LAMA2: variants seen among roughly 807,000 people sequenced by gnomAD.
LAMA2 encodes the protein laminin subunit alpha-2.
LAMA2 carries 269 observed loss-of-function variants against 364.8 expected under a neutral mutation model. The observed-to-expected ratio is 0.74, with a 90% CI of 0.67 to 0.82. LAMA2 has a LOEUF of 0.82. Ranked by LOEUF, LAMA2 falls within the 40% of genes least tolerant of loss-of-function variation. LAMA2 has a pLI of 0.00. For synonymous variants in LAMA2, 1,379 were observed against 1,370.6 expected, an observed-to-expected ratio of 1.01 and a Z score of -0.14; for missense variants, 3,807 against 3,873.2, an observed-to-expected ratio of 0.98 and a Z score of 0.45.
At chr6:129,204,120 T>C (rs998224422) in intron 12 of LAMA2, among the ~76,000 whole-genome samples, 11 of 152,222 alleles carry the variant, frequency 7.2e-5, no homozygotes, top group Non-Finnish European at 1.3e-4. Context: ...AGAGTTAATT[T>C]TAGCAAGTAC....
intron 51 of LAMA2, among the ~76,000 whole-genome samples, chr6:129,471,362 C>T (rs1354512738): frequency 1.3e-5 from 2 of 151,876 alleles, no homozygotes; most frequent in East Asian, 3.9e-4. Flanking sequence ...CCTTTTGGGC[C>T]AGTGAATTTC....
chr6:128,929,417 T>C, intron 1 of LAMA2: 1 of 870,634 alleles, frequency 1.1e-6, no homozygotes, highest in Non-Finnish European at 2.0e-6. Flanking sequence ...ACCTCCATCT[T>C]TGAGTAGCTT....
chr6:128,919,101 T>C (rs1268353665), intron 1 of LAMA2, among the ~76,000 whole-genome samples: 2 of 152,210 alleles, frequency 1.3e-5, no homozygotes, highest in African/African-American at 4.8e-5. Flanking sequence ...CACTTTTCAC[T>C]GTGTTCTGCT....
intron 1 of LAMA2, among the ~76,000 whole-genome samples, chr6:129,034,692 G>C (rs968923641): frequency 1.3e-5 from 2 of 151,984 alleles, no homozygotes; most frequent in African/African-American, 4.8e-5. Context: ...TGTATCCATT[G>C]TTTAGCTCCC....
At chr6:129,320,069 G>T (rs1469810350) in intron 27 of LAMA2, among the ~76,000 whole-genome samples, 1 of 151,966 alleles carries the variant, frequency 6.6e-6, no homozygotes, top group Non-Finnish European at 1.5e-5. Context: ...GTAGGCGGAG[G>T]TTGTAGTGAG....
chr6:128,913,164 A>C (rs1310441313), intron 1 of LAMA2, among the ~76,000 whole-genome samples: 1 of 152,226 alleles, frequency 6.6e-6, no homozygotes, highest in Non-Finnish European at 1.5e-5. Context: ...ACTGAAGTGA[A>C]CTGCAGAGTA....
Position 129,330,591 on chromosome 6 carries a change from G to GTTTTTTTTTTTTTTTTTTTTT in LAMA2, c.4311+2179_4311+2180insTTTTTTTTTTTTTTTTTTTTT, listed in dbSNP as rs1491387157. ...TTGAAGCGTTTTTTTGTTGTTGTTTGGTTTTTGTTTTTTTTTTTTTTTTTC... is the reference window on the plus strand; with the variant it reads ...TTGAAGCGTTTTTTTGTTGTTGTTTGTTTTTTTTTTTTTTTTTTTTTGTTTTTGTTTTTTTTTTTTTTTTTC... On this transcript the variant is annotated intron_variant, in intron 29 of 64. Transcript: ENST00000421865. Among the ~76,000 whole-genome samples, 16 of 83,796 alleles carry GTTTTTTTTTTTTTTTTTTTTT rather than the reference G, an allele frequency of 1.9e-4. 2 individuals carry two copies. Among genetic ancestry groups the GTTTTTTTTTTTTTTTTTTTTT allele is most frequent in the East Asian group, 1.4e-3 (3 of 2,148 alleles). The allele number at this position is 83,796 out of a possible 152,430, so 55.0% of individuals were successfully genotyped here. A position where few individuals can be genotyped will look rare whatever the true frequency, so the allele number is the denominator to read the frequency against.
intron 1 of LAMA2, among the ~76,000 whole-genome samples, chr6:128,947,630 ATTTATTAC>A (rs909795145): frequency 6.6e-6 from 1 of 152,176 alleles, no homozygotes; most frequent in Non-Finnish European, 1.5e-5. Context: ...CCTAATAAGC[ATTTATTAC>A]TTTTATAACC....
At chr6:128,940,879 A>C (rs1780108913) in intron 1 of LAMA2, among the ~76,000 whole-genome samples, 1 of 152,190 alleles carries the variant, frequency 6.6e-6, no homozygotes, top group African/African-American at 2.4e-5. Flanking sequence ...TGAGCCCAGG[A>C]GTTCCAGGCT....
At chr6:129,301,001 T>A in intron 22 of LAMA2, 129 bp downstream of exon 22, 1 of 797,042 alleles carries the variant, frequency 1.3e-6, no homozygotes, top group South Asian at 1.5e-5. Context: ...TATAATGTGA[T>A]TACAGATATT....
chr6:129,473,105 TC>T, intron 51 of LAMA2, 108 bp from the exon 52 acceptor site: 1 of 764,814 alleles, frequency 1.3e-6, no homozygotes, highest in Admixed American at 2.3e-5. Context: ...CTTGAGAAAG[TC>T]AATGTTAATT....
intron 34 of LAMA2, among the ~76,000 whole-genome samples, chr6:129,381,838 C>A (rs1778709039): frequency 6.6e-6 from 1 of 152,088 alleles, no homozygotes; most frequent in Non-Finnish European, 1.5e-5. Context: ...ATCCTTTCAT[C>A]CTTTCATTTG....
At chr6:129,489,243 A>G (rs1361895617) in intron 56 of LAMA2, among the ~76,000 whole-genome samples, 1 of 152,176 alleles carries the variant, frequency 6.6e-6, no homozygotes, top group Non-Finnish European at 1.5e-5. Context: ...TAGCTTTAAT[A>G]CCGCCTCACA....
chr6:129,226,363 A>G (rs1405657951), intron 12 of LAMA2, among the ~76,000 whole-genome samples: 1 of 152,130 alleles, frequency 6.6e-6, no homozygotes, highest in East Asian at 1.9e-4. Context: ...TGTGAATATG[A>G]TCCTGTCATT....
chr6:129,022,312 G>T (rs1376619841), intron 1 of LAMA2, among the ~76,000 whole-genome samples: 6 of 152,102 alleles, frequency 3.9e-5, no homozygotes, highest in Non-Finnish European at 7.4e-5. Context: ...TTACTTAAAA[G>T]GAATGTTACA....
At chr6:129,177,011 C>T (rs555048846) in intron 9 of LAMA2, among the ~76,000 whole-genome samples, 135 of 151,850 alleles carry the variant, frequency 8.9e-4, no homozygotes, top group African/African-American at 3.2e-3. Flanking sequence ...TACTGATTTG[C>T]TTTTATCTTT....
chr6:129,510,292 C>G (rs1227328894), intron 62 of LAMA2, among the ~76,000 whole-genome samples: 1 of 152,096 alleles, frequency 6.6e-6, no homozygotes, highest in South Asian at 2.1e-4. Flanking sequence ...ATACAAAAAT[C>G]AGTAACATTT....
chr6:128,961,466 G>T (rs184517907), intron 1 of LAMA2, among the ~76,000 whole-genome samples: 1 of 146,866 alleles, frequency 6.8e-6, no homozygotes, highest in Admixed American at 6.8e-5. Context: ...TCGATCACAA[G>T]GTCCCACAAT....
rs111743486 is a variant in LAMA2 at position 129,468,271 on chromosome 6, A to C, written c.7300+2982A>C. Reference sequence around the variant, plus strand: ...TGTTCAGAATTTTGATTCTTAAATTAGACTGGGAACTTCTACCTTCTGCCC... The same window carrying C: ...TGTTCAGAATTTTGATTCTTAAATTCGACTGGGAACTTCTACCTTCTGCCC... On this transcript the variant is annotated intron_variant, in intron 51 of 64. Coordinates refer to ENST00000421865, the MANE Select transcript of LAMA2 (RefSeq NM_000426.4). 8.3e-3 allele frequency among the ~76,000 whole-genome samples: 1,258 copies of C among 151,924 alleles called. 12 individuals carry two copies. Among genetic ancestry groups the C allele is most frequent in the Non-Finnish European group, 0.014 (938 of 67,840 alleles).
Sources: gnomAD v4.1 joint callset for allele counts (sites outside exome capture counted in the v4.1 genomes callset) on GRCh38, gnomAD v4.1.1 for gene constraint, MANE v1.5 for transcripts, NCBI Gene and HGNC (gene_info 2026-07-23, HGNC 2026-07-21) for gene names.